ADGRL2: variants seen among roughly 807,000 people sequenced by gnomAD.
The protein encoded by ADGRL2 is adhesion G protein-coupled receptor L2.
ADGRL2 carries 44 observed loss-of-function variants against 157.4 expected under a neutral mutation model. That is an observed-to-expected ratio of 0.28 (90% CI 0.22 to 0.36). The LOEUF (loss-of-function observed/expected upper bound fraction) is 0.36, where lower values mean the gene tolerates loss of function less well. Among genes scored for constraint, ADGRL2 ranks in the 10% least tolerant of loss-of-function variants. The probability of loss-of-function intolerance (pLI) is 1.00; values close to 1 mark genes in which losing one functional copy is unlikely to be tolerated. For synonymous variants in ADGRL2, 585 were observed against 624.7 expected, an observed-to-expected ratio of 0.94 and a Z score of 0.95; for missense variants, 1,510 against 1,768.9, an observed-to-expected ratio of 0.85 and a Z score of 2.63.
chr1:81,356,148 C>T (rs1478356939), intron 1 of ADGRL2, among the ~76,000 whole-genome samples: 1 of 152,162 alleles, frequency 6.6e-6, no homozygotes, highest in Non-Finnish European at 1.5e-5. Flanking sequence ...CTCTCACTCC[C>T]ACCTCTAATA....
intron 1 of ADGRL2, among the ~76,000 whole-genome samples, chr1:81,727,776 G>T (rs1301058452): frequency 6.6e-6 from 1 of 151,612 alleles, no homozygotes. Context: ...AAAACATCGT[G>T]TTTAATGGCT....
At chr1:81,645,665 A>G (rs1190179142) in intron 3 of ADGRL2, among the ~76,000 whole-genome samples, 1 of 152,184 alleles carries the variant, frequency 6.6e-6, no homozygotes, top group Non-Finnish European at 1.5e-5. Context: ...CTATCTTTCC[A>G]TGACAATGTA....
At chr1:81,899,822 T>C (rs2151600757) in intron 2 of ADGRL2, among the ~76,000 whole-genome samples, 1 of 152,260 alleles carries the variant, frequency 6.6e-6, no homozygotes, top group South Asian at 2.1e-4. Flanking sequence ...TTTATGTTGA[T>C]TATGTTCACC....
chr1:81,342,701 T>C (rs902107195), intron 1 of ADGRL2, among the ~76,000 whole-genome samples: 12 of 152,190 alleles, frequency 7.9e-5, no homozygotes, highest in African/African-American at 2.9e-4. Context: ...ATATTAAGTA[T>C]CTTATATTTA....
intron 1 of ADGRL2, among the ~76,000 whole-genome samples, chr1:81,423,095 T>C (rs1259686766): frequency 6.6e-6 from 1 of 152,164 alleles, no homozygotes; most frequent in Admixed American, 6.5e-5. Flanking sequence ...GGTTACCTCT[T>C]TGGGGACATG....
At chr1:81,667,789 T>C (rs184772973) in intron 3 of ADGRL2, among the ~76,000 whole-genome samples, 2 of 152,276 alleles carry the variant, frequency 1.3e-5, no homozygotes, top group East Asian at 3.9e-4. Flanking sequence ...AATATAGAGG[T>C]ATAATTAATG....
intron 2 of ADGRL2, among the ~76,000 whole-genome samples, chr1:81,499,146 T>C (rs2078790378): frequency 6.6e-6 from 1 of 152,236 alleles, no homozygotes; most frequent in African/African-American, 2.4e-5. Context: ...CCTACATATT[T>C]CACTCCATAA....
chr1:81,776,876 T>C (rs564532647), intron 2 of ADGRL2, among the ~76,000 whole-genome samples: 24 of 152,296 alleles, frequency 1.6e-4, no homozygotes, highest in Admixed American at 1.0e-3. Flanking sequence ...ATCTATAACA[T>C]TAAAATAACC....
At chr1:81,784,011 G>A (rs114195258) in intron 2 of ADGRL2, among the ~76,000 whole-genome samples, 1,719 of 152,210 alleles carry the variant, frequency 0.011, 31 homozygotes, top group African/African-American at 0.038. Flanking sequence ...TTAAAGTTGA[G>A]CTTCCATAAC....
At chr1:81,653,830 C>T (rs1483759887) in intron 3 of ADGRL2, among the ~76,000 whole-genome samples, 1 of 152,084 alleles carries the variant, frequency 6.6e-6, no homozygotes, top group Non-Finnish European at 1.5e-5. Flanking sequence ...AAGATGATTG[C>T]CTACTGAATA....
chr1:81,358,671 T>C (rs1433125592), intron 1 of ADGRL2, among the ~76,000 whole-genome samples: 5 of 152,156 alleles, frequency 3.3e-5, no homozygotes, highest in East Asian at 3.8e-4. Context: ...TCTTGCACTG[T>C]AGAGATTCCA....
At chr1:81,926,523 T>TA (rs2095110494) in intron 3 of ADGRL2, among the ~76,000 whole-genome samples, 1 of 152,050 alleles carries the variant, frequency 6.6e-6, no homozygotes, top group South Asian at 2.1e-4. Context: ...AAAAATGTGA[T>TA]AGTTTCTGCA....
intron 2 of ADGRL2, among the ~76,000 whole-genome samples, chr1:81,858,087 A>G (rs1420671416): frequency 6.6e-6 from 1 of 152,160 alleles, no homozygotes; most frequent in African/African-American, 2.4e-5. Flanking sequence ...AGATAAGACT[A>G]GGAATCATAG....
chr1:81,308,329 GA>G (rs1212983673), intron 1 of ADGRL2, among the ~76,000 whole-genome samples: 9 of 152,094 alleles, frequency 5.9e-5, no homozygotes, highest in Non-Finnish European at 1.2e-4. Context: ...GCATTACAGG[GA>G]AAGAAAAGGA....
chr1:81,371,418 T>A (rs773318411), intron 1 of ADGRL2, among the ~76,000 whole-genome samples: 1 of 152,198 alleles, frequency 6.6e-6, no homozygotes, highest in Non-Finnish European at 1.5e-5. Flanking sequence ...AAGATGAGTT[T>A]GTAGAATGAC....
chr1:81,489,503 G>A (rs931963736), intron 2 of ADGRL2, among the ~76,000 whole-genome samples: 5 of 152,098 alleles, frequency 3.3e-5, no homozygotes, highest in African/African-American at 9.7e-5. Flanking sequence ...TACACACTGT[G>A]GAAGTCCCAG....
chr1:81,618,682 G>T (rs561491578), intron 3 of ADGRL2, among the ~76,000 whole-genome samples: 27 of 152,308 alleles, frequency 1.8e-4, no homozygotes, highest in African/African-American at 2.6e-4. Flanking sequence ...GTTGGATATA[G>T]TTATGTGTTT....
intron 3 of ADGRL2, among the ~76,000 whole-genome samples, chr1:81,632,496 T>A (rs2082029807): frequency 6.6e-6 from 1 of 152,104 alleles, no homozygotes; most frequent in Non-Finnish European, 1.5e-5. Flanking sequence ...CGGTGGCTTA[T>A]GCCTGTAATC....
Position 81,971,928 on chromosome 1 carries a change from TTC to T in ADGRL2, c.3021+12_3021+13del. ...TACCTTCATTATTCTGGTAAGCAGGTTCTGTTTTCCCTTGCTTTTTAGCTTGC... is the reference window on the plus strand; with the variant it reads ...TACCTTCATTATTCTGGTAAGCAGGTTGTTTTCCCTTGCTTTTTAGCTTGC... On this transcript the variant is annotated intron_variant, in intron 17 of 23. Coordinates refer to ENST00000686636, the MANE Select transcript of ADGRL2 (RefSeq NM_001366006.2). The T allele has an allele frequency of 6.2e-7, 1 of 1,600,550 alleles. No individual in the cohort carries two copies. Among genetic ancestry groups the T allele is most frequent in the Non-Finnish European group, 8.5e-7 (1 of 1,170,190 alleles).
Sources: gnomAD v4.1 joint callset for allele counts (sites outside exome capture counted in the v4.1 genomes callset) on GRCh38, gnomAD v4.1.1 for gene constraint, MANE v1.5 for transcripts, NCBI Gene and HGNC (gene_info 2026-07-23, HGNC 2026-07-21) for gene names.